The following INPP5F variants were observed in gnomAD, a reference collection of about 807,000 sequenced individuals.
INPP5F encodes inositol polyphosphate-5-phosphatase F, also known as phosphatidylinositide 4-phosphatase SAC2.
In INPP5F, 97 loss-of-function variants were observed where a neutral mutation model predicts 137.2. That is an observed-to-expected ratio of 0.71 (90% CI 0.60 to 0.84). INPP5F has a LOEUF of 0.84. Among genes scored for constraint, INPP5F ranks in the 40% least tolerant of loss-of-function variants. The pLI is 0.00. For missense variants in INPP5F, 1,271 were observed against 1,371.9 expected (o/e 0.93, Z 1.16); for synonymous variants, 504 against 476.9 (o/e 1.06, Z -0.74).
intron 15 of INPP5F, among the ~76,000 whole-genome samples, chr10:119,812,218 C>T (rs1851067603): frequency 6.6e-6 from 1 of 152,226 alleles, no homozygotes; most frequent in Non-Finnish European, 1.5e-5. Flanking sequence ...AAACTACAGC[C>T]TGCAGCTGGC....
intron 15 of INPP5F, chr10:119,818,845 G>C (rs1029257876): frequency 6.6e-6 from 1 of 152,334 alleles, no homozygotes; most frequent in African/African-American, 2.4e-5. Context: ...CGCCTACCGC[G>C]CAGCGGGCTG....
chr10:119,793,187 A>G (rs1053972422), intron 6 of INPP5F, among the ~76,000 whole-genome samples: 1 of 152,254 alleles, frequency 6.6e-6, no homozygotes, highest in African/African-American at 2.4e-5. Context: ...ATGCTTTTAC[A>G]TTACCATTTA....
chr10:119,818,894 G>C (rs912925228), intron 15 of INPP5F: 8 of 152,332 alleles, frequency 5.3e-5, no homozygotes, highest in African/African-American at 1.9e-4. Flanking sequence ...TGAGGGCGTT[G>C]TGGCTATGAC....
intron 6 of INPP5F, among the ~76,000 whole-genome samples, chr10:119,795,567 G>A (rs1310169805): frequency 4.0e-5 from 6 of 151,144 alleles, no homozygotes; most frequent in African/African-American, 1.2e-4. Context: ...GATGGCGGCC[G>A]GGCAGAGACG....
intron 2 of INPP5F, among the ~76,000 whole-genome samples, chr10:119,780,650 A>G (rs975840018): frequency 1.3e-5 from 2 of 152,200 alleles, no homozygotes; most frequent in African/African-American, 4.8e-5. Flanking sequence ...CTGTGTATCC[A>G]TTGAGTTCTG....
At chr10:119,782,802 C>T (rs1849752247) in intron 3 of INPP5F, among the ~76,000 whole-genome samples, 1 of 152,168 alleles carries the variant, frequency 6.6e-6, no homozygotes, top group African/African-American at 2.4e-5. Flanking sequence ...TGCTGAGCTG[C>T]CGCCCTGTTA....
Position 119,827,519 on chromosome 10 carries a change from GCTTGAA to G in INPP5F, c.3144_3149del (p.Leu1049_Glu1050del), listed in dbSNP as rs761308563. ...AAACCCCCACCTCCGCTTCCAGCATGCTTGAACTTGAGACAGGGCTTCATGTAACTC... is the reference window on the plus strand; with the variant it reads ...AAACCCCCACCTCCGCTTCCAGCATGCTTGAGACAGGGCTTCATGTAACTC... On this transcript the variant is annotated inframe_deletion, in exon 20 of 20. Coordinates refer to ENST00000650623, the MANE Select transcript of INPP5F (RefSeq NM_014937.4). The G allele has an allele frequency of 3.8e-5, 62 of 1,614,052 alleles. 1 individual carries two copies. Among genetic ancestry groups the G allele is most frequent in the South Asian group, 2.5e-4 (23 of 91,088 alleles).
At chr10:119,799,686 CATACTT>C (rs1235641060) in intron 9 of INPP5F, among the ~76,000 whole-genome samples, 8 of 152,204 alleles carry the variant, frequency 5.3e-5, no homozygotes, top group Non-Finnish European at 5.9e-5. Flanking sequence ...TTAAATTAAA[CATACTT>C]ATACTGCTTA....
chr10:119,801,119 G>C (rs1447812175), intron 9 of INPP5F, among the ~76,000 whole-genome samples: 1 of 152,162 alleles, frequency 6.6e-6, no homozygotes, highest in East Asian at 1.9e-4. Flanking sequence ...TTGTTCATCA[G>C]GAGGACAATA....
At chr10:119,766,370 A>G (rs1849165073) in intron 2 of INPP5F, among the ~76,000 whole-genome samples, 1 of 152,212 alleles carries the variant, frequency 6.6e-6, no homozygotes, top group Non-Finnish European at 1.5e-5. Flanking sequence ...TAACCATCAC[A>G]GGGTCATTTA....
chr10:119,826,841 A>G lies in INPP5F; in HGVS notation c.2460A>G (p.Leu820=), dbSNP rs1851779649. 1 of 1,613,448 alleles carries G rather than the reference A, an allele frequency of 6.2e-7. No homozygotes were observed. The highest frequency in any genetic ancestry group is 1.3e-5 in the African/African-American group (1 of 74,850). Reference sequence around the variant, plus strand: ...AAGTTAACTTTCTAAAACCAAACTTAAAAGTAAATCTTTGGAAATCAGATA... The same window carrying G: ...AAGTTAACTTTCTAAAACCAAACTTGAAAGTAAATCTTTGGAAATCAGATA... ...EMKVNFLKPN[L]KVNLWKSDSS... Residue 820 remains leucine (L), a synonymous_variant, in exon 20 of 20, where the codon TTA becomes TTG. Coordinates refer to ENST00000650623, the MANE Select transcript of INPP5F (RefSeq NM_014937.4).
chr10:119,727,089 T>G (rs1389738187), intron 1 of INPP5F, among the ~76,000 whole-genome samples: 1 of 152,190 alleles, frequency 6.6e-6, no homozygotes, highest in African/African-American at 2.4e-5. Context: ...TGTGCAGTCG[T>G]GGTTTAAACA....
chr10:119,800,202 G>A (rs1408931470), intron 9 of INPP5F, among the ~76,000 whole-genome samples: 1 of 152,006 alleles, frequency 6.6e-6, no homozygotes, highest in African/African-American at 2.4e-5. Context: ...TCACAAAGTG[G>A]TAGAAGATAT....
chr10:119,805,408 T>G lies in INPP5F; in HGVS notation c.1266T>G (p.Val422=). 1 of 1,613,374 alleles carries G rather than the reference T, an allele frequency of 6.2e-7. No homozygotes were observed. Among genetic ancestry groups the G allele is most frequent in the Non-Finnish European group, 8.5e-7 (1 of 1,179,448 alleles). Residue 422 remains valine, a synonymous_variant, in exon 11 of 20, where the codon GTT becomes GTG. Transcript: ENST00000650623. ...EHCRGMKFEN[V]QTLTDAIYDI... is the part of the protein sequence containing the mutation. ...GCCGAGGAATGAAGTTTGAGAATGT[T>G]CAGACACTAACAGATGCCATTTATG...
At chr10:119,742,067 C>T (rs1472723377) in intron 1 of INPP5F, among the ~76,000 whole-genome samples, 1 of 152,172 alleles carries the variant, frequency 6.6e-6, no homozygotes, top group Non-Finnish European at 1.5e-5. Context: ...GTTCTTCAGC[C>T]TCATTCTGGT....
chr10:119,762,709 A>G (rs1468922220), intron 2 of INPP5F, among the ~76,000 whole-genome samples: 1 of 152,204 alleles, frequency 6.6e-6, no homozygotes, highest in Non-Finnish European at 1.5e-5. Context: ...CATTTTACAT[A>G]AGGGACTTGA....
At chr10:119,744,033 G>T (rs1848454666) in intron 1 of INPP5F, among the ~76,000 whole-genome samples, 2 of 152,142 alleles carry the variant, frequency 1.3e-5, no homozygotes, top group African/African-American at 4.8e-5. Context: ...TAGAGGGGTT[G>T]AACAAAATAA....
At chr10:119,755,096 G>A (rs986934973) in intron 2 of INPP5F, among the ~76,000 whole-genome samples, 12 of 152,330 alleles carry the variant, frequency 7.9e-5, no homozygotes, top group African/African-American at 2.6e-4. Flanking sequence ...TTAAAGTGGC[G>A]TGGGTGAGCA....
Position 119,804,163 on chromosome 10 carries a change from G to A in INPP5F, c.1117-10G>A, listed in dbSNP as rs1240431786. 5.1e-6 allele frequency: 8 copies of A among 1,572,034 alleles called. No individual in the cohort carries two copies. The highest frequency in any genetic ancestry group is 6.9e-6 in the Non-Finnish European group (8 of 1,160,986). On this transcript the variant is annotated splice_polypyrimidine_tract_variant and intron_variant, in intron 9 of 19. Coordinates refer to ENST00000650623, the MANE Select transcript of INPP5F (RefSeq NM_014937.4). ...CTAACTAAATTTTTTCTGTTTCTTT[G>A]CTCTTATAGGTTATTATTAACTTGG...
Sources: allele counts gnomAD v4.1 joint callset (sites outside exome capture counted in the v4.1 genomes callset), GRCh38; gene constraint gnomAD v4.1.1; transcripts MANE v1.5; gene names NCBI Gene and HGNC (gene_info 2026-07-23, HGNC 2026-07-21).